The following CLPP variants were observed in gnomAD, a reference collection of about 807,000 sequenced individuals.
CLPP encodes ATP-dependent Clp protease proteolytic subunit, mitochondrial.
Under a neutral mutation model 27.4 loss-of-function variants are expected in CLPP, and 14 were observed. The observed-to-expected ratio is 0.51, with a 90% CI of 0.34 to 0.80. CLPP has a LOEUF of 0.80. Among genes scored for constraint, CLPP ranks in the 30% least tolerant of loss-of-function variants. CLPP has a pLI of 0.02. For missense variants in CLPP, 361 were observed against 403.6 expected, an observed-to-expected ratio of 0.89 and a Z score of 0.90; for synonymous variants, 193 against 166.6, an observed-to-expected ratio of 1.16 and a Z score of -1.22.
intron 3 of CLPP, 36 bp from the exon 4 acceptor site, chr19:6,364,416 G>A: frequency 1.3e-6 from 2 of 1,575,608 alleles, no homozygotes; most frequent in Non-Finnish European, 1.7e-6. Flanking sequence ...GTCGGGGGGA[G>A]CTGGTCCAGC....
Position 6,364,488 on chromosome 19 carries a change from C to T in CLPP, c.404C>T (p.Thr135Met). 1 of 1,611,342 alleles carries T rather than the reference C, an allele frequency of 6.2e-7. No individual in the cohort carries two copies. The highest frequency in any genetic ancestry group is 1.1e-5 in the South Asian group (1 of 90,780). ...VVTAGLAIYD[T>M]MQYILNPICT... is the part of the protein sequence containing the mutation. ...ACCGCGGGCCTGGCCATCTACGACA[C>T]GATGCAGTACATCCTCAACCCGATC... is the stretch of plus-strand genomic sequence containing the variant. The change falls in exon 4 of 6, where the codon ACG becomes ATG. Residue 135 changes from threonine to methionine, a missense_variant. This residue lies in a region of CLPP where 213 missense variants were observed against 280.9 expected (regional missense o/e 0.76). Coordinates refer to ENST00000245816, the MANE Select transcript of CLPP (RefSeq NM_006012.4).
intron 4 of CLPP, 99 bp downstream of exon 4, chr19:6,364,738 T>C (rs2091853751): frequency 1.6e-6 from 2 of 1,225,392 alleles, no homozygotes. Context: ...GATGTTTTTT[T>C]TTTTTTTTGA....
intron 3 of CLPP, among the ~76,000 whole-genome samples, chr19:6,363,370 G>A (rs2091846075): frequency 2.0e-5 from 3 of 151,996 alleles, no homozygotes; most frequent in African/African-American, 7.2e-5. Context: ...TGATCCACCC[G>A]CCTCAGCCTC....
chr19:6,367,280 C>T (rs905851458), intron 5 of CLPP, among the ~76,000 whole-genome samples: 24 of 149,348 alleles, frequency 1.6e-4, no homozygotes, highest in Admixed American at 6.8e-4. Flanking sequence ...GAGGCTGAGG[C>T]ATGAGAATCG....
Position 6,364,409 on chromosome 19 carries a change from G to C in CLPP, c.368-43G>C, listed in dbSNP as rs113114685. 1.9e-6 allele frequency: 3 copies of C among 1,555,200 alleles called. No homozygotes were observed. In the African/African-American group the frequency reaches 4.1e-5, roughly 21 times the overall value. The stretch of plus-strand genomic sequence containing the variant: ...TAGGAGATGGAATAGGGAAAGGGTC[G>C]GGGGGAGCTGGTCCAGCCCCTCACT... On this transcript the variant is annotated intron_variant, in intron 3 of 5. Coordinates refer to ENST00000245816, the MANE Select transcript of CLPP (RefSeq NM_006012.4).
chr19:6,369,039 C>T lies in CLPP; in HGVS notation c.*329C>T, dbSNP rs979714360. The stretch of plus-strand genomic sequence containing the variant: ...TTCAACAGATTCTCCTGATCATATC[C>T]TATATTCCAGGCAGTGTTCTTTTGT... On this transcript the variant is annotated 3_prime_UTR_variant, in exon 6 of 6. Transcript: ENST00000245816. 20 of 268,304 alleles carry T rather than the reference C, an allele frequency of 7.5e-5. No homozygotes were observed. The highest frequency in any genetic ancestry group is 4.1e-4 in the African/African-American group (18 of 44,438). The allele number at this position is 268,304 out of a possible 1,614,324, so 16.6% of individuals were successfully genotyped here.
At chr19:6,362,343 G>T in intron 2 of CLPP, 103 bp from the exon 3 acceptor site, 1 of 763,422 alleles carries the variant, frequency 1.3e-6, no homozygotes. Flanking sequence ...CTTTTACTTT[G>T]GGCTCTGGTC....
chr19:6,368,478 G>C (rs2091872878), intron 5 of CLPP, 60 bp from the exon 6 acceptor site: 2 of 1,578,734 alleles, frequency 1.3e-6, no homozygotes, highest in Non-Finnish European at 1.7e-6. Flanking sequence ...ACAGGACCCA[G>C]ACCTGGCCCT....
rs2091879443 is a variant in CLPP, at chr19:6,369,767, C to A, written c.*1057C>A. 6.6e-6 allele frequency among the ~76,000 whole-genome samples: 1 copy of A among 151,900 alleles called. No individual in the cohort carries two copies. Among genetic ancestry groups the A allele is most frequent in the African/African-American group, 2.4e-5 (1 of 41,348 alleles). On this transcript the variant is annotated 3_prime_UTR_variant, in exon 6 of 6. Coordinates refer to ENST00000245816, the MANE Select transcript of CLPP (RefSeq NM_006012.4). ...CCAAGATCACGCCACTGCACTCCAG[C>A]CTGGGCAACAAAGCGAGATTCTGTC...
chr19:6,364,392 G>C (rs1253932991), intron 3 of CLPP, 60 bp from the exon 4 acceptor site: 3 of 1,500,682 alleles, frequency 2.0e-6, no homozygotes, highest in Non-Finnish European at 2.7e-6. Context: ...TTTAGGAGAT[G>C]GAATAGGGAA....
At chr19:6,363,014 C>T (rs771233737) in intron 3 of CLPP, among the ~76,000 whole-genome samples, 2 of 152,038 alleles carry the variant, frequency 1.3e-5, no homozygotes, top group South Asian at 4.1e-4. Context: ...CACTTGAGCC[C>T]AGGAGGTCGA....
At chr19:6,366,185 A>T in intron 4 of CLPP, 73 bp from the exon 5 acceptor site, 3 of 1,012,626 alleles carry the variant, frequency 3.0e-6, no homozygotes, top group Non-Finnish European at 4.5e-6. Context: ...CCTGAGTGCC[A>T]CCTCCAGCCT....
Position 6,361,597 on chromosome 19 carries a change from GGGGGGCCC to G in CLPP, c.27_34del (p.Ala10GlyfsTer62). 1 of 1,413,532 alleles carries G rather than the reference GGGGGGCCC, an allele frequency of 7.1e-7. No homozygotes were observed. The highest frequency in any genetic ancestry group is 9.2e-7 in the Non-Finnish European group (1 of 1,082,450). The allele number at this position is 1,413,532 out of a possible 1,614,324, so 87.6% of individuals were successfully genotyped here. On this transcript the variant is annotated frameshift_variant, in exon 1 of 6. Coordinates refer to ENST00000245816, the MANE Select transcript of CLPP (RefSeq NM_006012.4). LOFTEE classifies it high-confidence loss of function. ...GGGATGTGGCCCGGAATATTGGTAG[GGGGGGCCC>G]GGGTGGCGTCATGCAGGTACCCCGC... is the stretch of plus-strand genomic sequence containing the variant.
intron 2 of CLPP, 133 bp from the exon 3 acceptor site, chr19:6,362,313 G>A (rs2091839577): frequency 1.5e-6 from 1 of 666,536 alleles, no homozygotes; most frequent in South Asian, 1.7e-5. Context: ...CCCTTCTGGG[G>A]CCTAAATTCT....
In CLPP at chr19:6,364,465, C is replaced by G. The variant is rs779726089; in HGVS notation, c.381C>G (p.Thr127=). The G allele has an allele frequency of 6.2e-6, 10 of 1,607,914 alleles. No homozygotes were observed. The highest frequency in any genetic ancestry group is 2.2e-5 in the East Asian group (1 of 44,652). Residue 127 remains threonine, a synonymous_variant, in exon 4 of 6, where the codon ACC becomes ACG. Transcript: ENST00000245816. The stretch of plus-strand genomic sequence containing the variant: ...CCCCGCCCACAGGTGGTGTGGTGAC[C>G]GCGGGCCTGGCCATCTACGACACGA... ...MYINSPGGVV[T]AGLAIYDTMQ... is the part of the protein sequence containing the mutation.
chr19:6,368,531 C>T lies in CLPP; in HGVS notation c.662-7C>T. The T allele has an allele frequency of 1.2e-6, 2 of 1,614,042 alleles. No individual in the cohort carries two copies. Among genetic ancestry groups the T allele is most frequent in the Non-Finnish European group, 1.7e-6 (2 of 1,179,984 alleles). On this transcript the variant is annotated splice_polypyrimidine_tract_variant and splice_region_variant and intron_variant, in intron 5 of 5. Coordinates refer to ENST00000245816, the MANE Select transcript of CLPP (RefSeq NM_006012.4). ...CTAATGTGTCTCACCTCCTGCTTCCCCACCAGAGTCCGCCATGGAGAGGGA... is the reference window on the plus strand; with the variant it reads ...CTAATGTGTCTCACCTCCTGCTTCCTCACCAGAGTCCGCCATGGAGAGGGA...
chr19:6,368,504 C>T, intron 5 of CLPP, 34 bp from the exon 6 acceptor site: 1 of 1,612,552 alleles, frequency 6.2e-7, no homozygotes, highest in Non-Finnish European at 8.5e-7. Context: ...TCTGCTCTTA[C>T]CCTAATGTGT....
chr19:6,366,125 C>A, intron 4 of CLPP, 133 bp from the exon 5 acceptor site: 1 of 620,880 alleles, frequency 1.6e-6, no homozygotes, highest in South Asian at 1.9e-5. Flanking sequence ...GGGATTTACA[C>A]AACCCCAGCC....
At position 6,364,596 on chromosome 19, in the gene CLPP, C is replaced by T. The variant is rs1465095910; in HGVS notation, c.512C>T (p.Pro171Leu). Residue 171 changes from proline to leucine, a missense_variant, in exon 4 of 6, where the codon CCC (proline) becomes CTC (leucine). Around this residue, in one of 2 missense-constraint regions of CLPP, gnomAD observed 213 missense variants for 280.9 expected, o/e 0.76. Coordinates refer to ENST00000245816, the MANE Select transcript of CLPP (RefSeq NM_006012.4). The stretch of plus-strand genomic sequence containing the variant: ...ACCCCAGGCATGCGCCACTCGCTCC[C>T]CAACTCCCGTATCATGATCCACCAG... ...AGTPGMRHSL[P>L]NSRIMIHQPS... 6.2e-7 allele frequency: 1 copy of T among 1,613,040 alleles called. No individual in the cohort carries two copies. The highest frequency in any genetic ancestry group is 8.5e-7 in the Non-Finnish European group (1 of 1,179,890).
Sources: gnomAD v4.1 joint callset for allele counts (sites outside exome capture counted in the v4.1 genomes callset) on GRCh38, gnomAD v4.1.1 for gene constraint, gnomAD v4.1.1 regional missense constraint, MANE v1.5 for transcripts, NCBI Gene and HGNC (gene_info 2026-07-23, HGNC 2026-07-21) for gene names.